The following ZRANB3 variants were observed in gnomAD, a reference collection of about 807,000 sequenced individuals.
ZRANB3 encodes the protein zinc finger RANBP2-type containing 3.
ZRANB3 carries 125 observed loss-of-function variants against 133.8 expected under a neutral mutation model. That is an observed-to-expected ratio of 0.93 (90% confidence interval 0.81 to 1.08). The LOEUF (loss-of-function observed/expected upper bound fraction) is 1.08, where lower values mean the gene tolerates loss of function less well. ZRANB3 is among the 50% of genes least tolerant of loss of function. The pLI, the probability that ZRANB3 is intolerant of heterozygous loss-of-function variation, is 0.00. For missense variants in ZRANB3, 1,229 were observed against 1,275.5 expected, an observed-to-expected ratio of 0.96 and a Z score of 0.56; for synonymous variants, 387 against 432.7, an observed-to-expected ratio of 0.89 and a Z score of 1.31.
chr2:135,215,970 A>C lies in ZRANB3; in HGVS notation c.2495+1495T>G, dbSNP rs1337553531. On this transcript the variant is annotated intron_variant, in intron 17 of 20. Transcript: ENST00000264159. ...CATCCTACGGGACCAAATTGCTCCA[A>C]ATTGAAAACCACTGTCCAAGAGAAA... 3.3e-5 allele frequency among the ~76,000 whole-genome samples: 5 copies of C among 152,248 alleles called. No individual in the cohort carries two copies. In the South Asian group the frequency reaches 1.0e-3, roughly 32 times the overall value.
intron 12 of ZRANB3, chr2:135,238,982 G>T (rs755119322): frequency 3.3e-5 from 5 of 152,074 alleles, no homozygotes; most frequent in African/African-American, 4.8e-5. Context: ...CATTCCTGTT[G>T]TACCCTGGTT....
Position 135,511,585 on chromosome 2 carries a change from A to T in ZRANB3, c.-7-7089T>A. On this transcript the variant is annotated intron_variant, in intron 1 of 20. Transcript: ENST00000264159. ...ATTGTGAACATAGAACTGATTTGCA[A>T]CAGACCCCTCAGGAGCAAGTACGAA... 4 of 884,264 alleles carry T rather than the reference A, an allele frequency of 4.5e-6. No individual in the cohort carries two copies. The South Asian group carries it at 5.2e-5, about 12-fold the overall frequency. 54.8% of individuals were successfully genotyped at this position (884,264 alleles called of 1,614,324 possible). A position where few individuals can be genotyped will look rare whatever the true frequency, so the allele number is the denominator to read the frequency against.
chr2:135,420,926 A>T (rs944070208), intron 2 of ZRANB3, among the ~76,000 whole-genome samples: 6 of 152,158 alleles, frequency 3.9e-5, no homozygotes, highest in African/African-American at 1.4e-4. Context: ...AGGAAAATAT[A>T]ATGCTGTTTA....
chr2:135,391,968 T>C (rs1267569785), intron 2 of ZRANB3, among the ~76,000 whole-genome samples: 2 of 152,130 alleles, frequency 1.3e-5, no homozygotes, highest in African/African-American at 2.4e-5. Context: ...GCAATGATAA[T>C]TGAGGATGGG....
chr2:135,446,382 G>GT (rs1245893724), intron 2 of ZRANB3, among the ~76,000 whole-genome samples: 1 of 152,112 alleles, frequency 6.6e-6, no homozygotes, highest in African/African-American at 2.4e-5. Flanking sequence ...GGAGGAAGCA[G>GT]TGTCATCAAC....
chr2:135,497,617 T>C (rs568709134), intron 2 of ZRANB3, among the ~76,000 whole-genome samples: 1 of 152,346 alleles, frequency 6.6e-6, no homozygotes, highest in South Asian at 2.1e-4. Flanking sequence ...AAAGTTCCAT[T>C]AGACAGCACT....
chr2:135,233,350 C>T (rs898116578), intron 12 of ZRANB3, among the ~76,000 whole-genome samples: 1 of 152,162 alleles, frequency 6.6e-6, no homozygotes, highest in African/African-American at 2.4e-5. Flanking sequence ...GAGAATGGAA[C>T]CAAGTTGGAA....
At position 135,336,093 on chromosome 2, in the gene ZRANB3, A is replaced by G. The variant is rs539700335; in HGVS notation, c.677+9457T>C. On this transcript the variant is annotated intron_variant, in intron 6 of 20. Coordinates refer to ENST00000264159, the MANE Select transcript of ZRANB3 (RefSeq NM_032143.4). ...TATTTGTATTTATAGTTTCTTCTAAATATAACCCTGTGAAGTGAATGATGT... is the reference window on the plus strand; with the variant it reads ...TATTTGTATTTATAGTTTCTTCTAAGTATAACCCTGTGAAGTGAATGATGT... Among the ~76,000 whole-genome samples, 241 of 152,330 alleles carry G rather than the reference A, an allele frequency of 1.6e-3. 1 individual carries two copies. The highest frequency in any genetic ancestry group is 5.7e-3 in the African/African-American group (235 of 41,570).
chr2:135,285,755 A>C (rs1463416433), intron 8 of ZRANB3, among the ~76,000 whole-genome samples: 1 of 152,252 alleles, frequency 6.6e-6, no homozygotes, highest in Non-Finnish European at 1.5e-5. Flanking sequence ...TCTTCTAAAA[A>C]TAAGGCATTG....
intron 1 of ZRANB3, among the ~76,000 whole-genome samples, chr2:135,516,637 CTG>C (rs1216689487): frequency 6.6e-6 from 1 of 152,232 alleles, no homozygotes; most frequent in African/African-American, 2.4e-5. Flanking sequence ...GAGAGATCCA[CTG>C]TTAGTCTGAT....
In ZRANB3 at chr2:135,474,096, C is replaced by T. The variant is rs529832387; in HGVS notation, c.161+30233G>A. 9.2e-5 allele frequency among the ~76,000 whole-genome samples: 14 copies of T among 152,010 alleles called. No individual in the cohort carries two copies. In the East Asian group the frequency reaches 1.6e-3, roughly 17 times the overall value. On this transcript the variant is annotated intron_variant, in intron 2 of 20. Transcript: ENST00000264159. The stretch of plus-strand genomic sequence containing the variant: ...GTCTCAGCTACTTGGGAGGCTGAGG[C>T]GGGAGGATCACATGAGCCTGGAAAC...
At chr2:135,417,332 T>G (rs1267520741) in intron 2 of ZRANB3, among the ~76,000 whole-genome samples, 4 of 151,978 alleles carry the variant, frequency 2.6e-5, no homozygotes, top group African/African-American at 7.3e-5. Context: ...AAAGAAGACA[T>G]TTATGCAGCC....
intron 2 of ZRANB3, among the ~76,000 whole-genome samples, chr2:135,456,609 A>T (rs1469519533): frequency 6.6e-6 from 1 of 152,186 alleles, no homozygotes; most frequent in East Asian, 1.9e-4. Flanking sequence ...AGTAGTTCTC[A>T]TTCATCCCGA....
chr2:135,386,550 T>C (rs947283403), intron 3 of ZRANB3, among the ~76,000 whole-genome samples: 3 of 152,196 alleles, frequency 2.0e-5, no homozygotes, highest in African/African-American at 7.2e-5. Flanking sequence ...CACATATGTT[T>C]ACTGGGGCAC....
At chr2:135,436,729 C>T (rs766448924) in intron 2 of ZRANB3, among the ~76,000 whole-genome samples, 25 of 152,014 alleles carry the variant, frequency 1.6e-4, no homozygotes, top group Non-Finnish European at 2.6e-4. Flanking sequence ...TATGAAACTA[C>T]GAGTGGCATT....
chr2:135,442,429 A>G (rs933358476), intron 2 of ZRANB3, among the ~76,000 whole-genome samples: 5 of 152,252 alleles, frequency 3.3e-5, no homozygotes, highest in African/African-American at 1.2e-4. Flanking sequence ...TATGCAGCCA[A>G]CAAACATACA....
chr2:135,384,891 T>C (rs1234261247), intron 3 of ZRANB3, among the ~76,000 whole-genome samples: 4 of 152,182 alleles, frequency 2.6e-5, no homozygotes, highest in African/African-American at 4.8e-5. Flanking sequence ...AATATCATAC[T>C]GAATGGGCAA....
chr2:135,362,667 T>C (rs1253669392), intron 3 of ZRANB3, among the ~76,000 whole-genome samples: 2 of 152,178 alleles, frequency 1.3e-5, no homozygotes, highest in African/African-American at 4.8e-5. Flanking sequence ...TTTTATTTTT[T>C]TTCCTAGACA....
rs1223031184 is a variant in ZRANB3, at chr2:135,324,543, C to G, written c.678-9013G>C. 2.6e-5 allele frequency among the ~76,000 whole-genome samples: 4 copies of G among 152,124 alleles called. 1 individual carries two copies. The highest frequency in any genetic ancestry group is 5.9e-5 in the Non-Finnish European group (4 of 68,044). ...TGTGAATAGTGCCGCAATAAACATA[C>G]GCGTGCATGTGTCTTTATAGCAGCA... is the stretch of plus-strand genomic sequence containing the variant. On this transcript the variant is annotated intron_variant, in intron 6 of 20. Transcript: ENST00000264159.
Sources: allele counts gnomAD v4.1 joint callset (sites outside exome capture counted in the v4.1 genomes callset), GRCh38; gene constraint gnomAD v4.1.1; transcripts MANE v1.5; gene names NCBI Gene and HGNC (gene_info 2026-07-23, HGNC 2026-07-21).